Variants in KSR2 observed in about 807,000 individuals in gnomAD.
KSR2 encodes kinase suppressor of ras 2.
Under a neutral mutation model 107.8 loss-of-function variants are expected in KSR2, and 25 were observed. The ratio of observed to expected loss-of-function variants is 0.23; its 90% confidence interval spans 0.17 to 0.32. The LOEUF (loss-of-function observed/expected upper bound fraction) is 0.32, where lower values mean the gene tolerates loss of function less well. KSR2 is among the 10% of genes least tolerant of loss of function. KSR2 has a pLI of 1.00. For missense variants in KSR2, 887 were observed against 1,268.9 expected (o/e 0.70, Z 4.57); for synonymous variants, 480 against 507.0 (o/e 0.95, Z 0.71).
chr12:117,651,281 T>G (rs974949406), intron 5 of KSR2, among the ~76,000 whole-genome samples: 1 of 152,170 alleles, frequency 6.6e-6, no homozygotes, highest in Non-Finnish European at 1.5e-5. Context: ...ATGTTGATTC[T>G]CCTCAGGAGC....
Position 117,453,252 on chromosome 12 carries a change from T to G in KSR2, c.*13947A>C, listed in dbSNP as rs1014240639. 6.6e-6 allele frequency: 1 copy of G among 152,440 alleles called. No homozygotes were observed. The highest frequency in any genetic ancestry group is 1.5e-5 in the Non-Finnish European group (1 of 68,038). The allele number at this position is 152,440 out of a possible 1,614,324, so 9.4% of individuals were successfully genotyped here. On this transcript the variant is annotated 3_prime_UTR_variant, in exon 20 of 20. Coordinates refer to ENST00000339824, the MANE Select transcript of KSR2 (RefSeq NM_173598.6). Reference sequence around the variant, plus strand: ...ACAAATATACACAGTGGACCCTCCATCCATCTGGCCTTTCTTTCCTGGATG... The same window carrying G: ...ACAAATATACACAGTGGACCCTCCAGCCATCTGGCCTTTCTTTCCTGGATG...
chr12:117,778,373 GAGC>G (rs1311669730), intron 3 of KSR2, among the ~76,000 whole-genome samples: 1 of 152,160 alleles, frequency 6.6e-6, no homozygotes, highest in African/African-American at 2.4e-5. Flanking sequence ...TTACAGGAGT[GAGC>G]TACTGCACCC....
chr12:117,479,845 TCTTA>T (rs1401703647), intron 16 of KSR2, among the ~76,000 whole-genome samples: 1 of 152,214 alleles, frequency 6.6e-6, no homozygotes, highest in Non-Finnish European at 1.5e-5. Flanking sequence ...GGTTGAAGGC[TCTTA>T]CTTACTAGCT....
At chr12:117,551,903 CTA>C (rs767102275) in intron 9 of KSR2, among the ~76,000 whole-genome samples, 3 of 152,134 alleles carry the variant, frequency 2.0e-5, no homozygotes, top group Non-Finnish European at 2.9e-5. Flanking sequence ...TCTATCTGAC[CTA>C]TGTTTCAGTC....
intron 3 of KSR2, among the ~76,000 whole-genome samples, chr12:117,804,543 G>A (rs373684502): frequency 6.3e-4 from 96 of 152,206 alleles, no homozygotes; most frequent in African/African-American, 2.1e-3. Flanking sequence ...AATGGCAGCC[G>A]AACAATAATT....
intron 4 of KSR2, among the ~76,000 whole-genome samples, chr12:117,738,659 G>A (rs1474385131): frequency 6.6e-6 from 1 of 152,100 alleles, no homozygotes; most frequent in Non-Finnish European, 1.5e-5. Context: ...CGGATTACTT[G>A]AGGTCAGGAG....
intron 3 of KSR2, among the ~76,000 whole-genome samples, chr12:117,839,791 G>A (rs1224584292): frequency 2.0e-5 from 3 of 152,182 alleles, no homozygotes; most frequent in South Asian, 2.1e-4. Context: ...GCAAAGGGAC[G>A]GTGAATCAGT....
At chr12:117,471,143 T>C in intron 18 of KSR2, 48 bp downstream of exon 18, 1 of 1,605,240 alleles carries the variant, frequency 6.2e-7, no homozygotes, top group Non-Finnish European at 8.5e-7. Flanking sequence ...CATGACTGTG[T>C]CTGTGTCTCC....
chr12:117,724,743 A>G (rs545536901), intron 4 of KSR2, among the ~76,000 whole-genome samples: 1 of 151,876 alleles, frequency 6.6e-6, no homozygotes, highest in East Asian at 1.9e-4. Flanking sequence ...GACAAGGCAC[A>G]TTTTTGATCC....
intron 9 of KSR2, among the ~76,000 whole-genome samples, chr12:117,543,027 C>T (rs906639019): frequency 2.6e-5 from 4 of 152,118 alleles, no homozygotes; most frequent in Admixed American, 2.0e-4. Flanking sequence ...CATTTACCCA[C>T]GGAAGGAGAT....
At chr12:117,661,851 AGCTGGTT>A (rs1884444557) in intron 5 of KSR2, among the ~76,000 whole-genome samples, 1 of 152,234 alleles carries the variant, frequency 6.6e-6, no homozygotes, top group Non-Finnish European at 1.5e-5. Flanking sequence ...GAAGGAGTTA[AGCTGGTT>A]GCTTCTGGGA....
At chr12:117,760,293 C>A (rs56692281) in intron 4 of KSR2, among the ~76,000 whole-genome samples, 4 of 152,204 alleles carry the variant, frequency 2.6e-5, no homozygotes, top group Admixed American at 6.5e-5. Context: ...CTCTCTCCCC[C>A]AAAGGGGTCC....
At chr12:117,667,779 A>G in intron 4 of KSR2, 121 bp from the exon 5 acceptor site, 1 of 787,612 alleles carries the variant, frequency 1.3e-6, no homozygotes, top group Non-Finnish European at 2.0e-6. Context: ...AGAAATTAGA[A>G]GAGCCCACAG....
intron 4 of KSR2, among the ~76,000 whole-genome samples, chr12:117,687,476 G>C (rs1330698074): frequency 1.3e-5 from 2 of 152,178 alleles, no homozygotes; most frequent in African/African-American, 2.4e-5. Context: ...TGTTAGGGTA[G>C]AAAATTTGCT....
chr12:117,861,979 G>C (rs1399397619), intron 1 of KSR2, among the ~76,000 whole-genome samples: 1 of 152,050 alleles, frequency 6.6e-6, no homozygotes, highest in Admixed American at 6.5e-5. Context: ...TAAACTCCAG[G>C]CTTCTAACTT....
chr12:117,822,947 G>C (rs1164878450), intron 3 of KSR2, among the ~76,000 whole-genome samples: 1 of 152,210 alleles, frequency 6.6e-6, no homozygotes, highest in Non-Finnish European at 1.5e-5. Flanking sequence ...AGAGAAAACA[G>C]AGAAGTGCTA....
At chr12:117,653,834 G>A (rs1479232093) in intron 5 of KSR2, among the ~76,000 whole-genome samples, 1 of 152,232 alleles carries the variant, frequency 6.6e-6, no homozygotes, top group African/African-American at 2.4e-5. Context: ...AAGGCTGCCA[G>A]TTTTGAGTGG....
At chr12:117,513,340 A>T (rs1268069337) in intron 14 of KSR2, among the ~76,000 whole-genome samples, 1 of 152,142 alleles carries the variant, frequency 6.6e-6, no homozygotes, top group Non-Finnish European at 1.5e-5. Context: ...GGACCTAATT[A>T]TCTTAAACAT....
At chr12:117,558,445 G>A in intron 8 of KSR2, 61 bp downstream of exon 8, 1 of 1,326,582 alleles carries the variant, frequency 7.5e-7, no homozygotes, top group Non-Finnish European at 1.1e-6. Context: ...CAGCTATGTG[G>A]GGGACCTGCA....
Sources: gnomAD v4.1 joint callset for allele counts (sites outside exome capture counted in the v4.1 genomes callset) on GRCh38, gnomAD v4.1.1 for gene constraint, MANE v1.5 for transcripts, NCBI Gene and HGNC (gene_info 2026-07-23, HGNC 2026-07-21) for gene names.